CMIP: variants seen among roughly 807,000 people sequenced by gnomAD.
The protein encoded by CMIP is C-Maf-inducing protein.
In CMIP, 13 loss-of-function variants were observed where a neutral mutation model predicts 97.3. That is an observed-to-expected ratio of 0.13 (90% CI 0.09 to 0.21). The LOEUF (loss-of-function observed/expected upper bound fraction) is 0.21, where lower values mean the gene tolerates loss of function less well. Among genes scored for constraint, CMIP ranks in the 10% least tolerant of loss-of-function variants. CMIP has a pLI of 1.00. For missense variants in CMIP, 847 were observed against 1,024.9 expected, an observed-to-expected ratio of 0.83 and a Z score of 2.37; for synonymous variants, 538 against 436.3, an observed-to-expected ratio of 1.23 and a Z score of -2.91.
intron 1 of CMIP, among the ~76,000 whole-genome samples, chr16:81,605,065 G>A (rs900711410): frequency 1.3e-5 from 2 of 152,198 alleles, no homozygotes; most frequent in African/African-American, 4.8e-5. Flanking sequence ...TTGAATATGG[G>A]TGAGGAAAAG....
At chr16:81,465,196 C>T (rs1330809392) in intron 1 of CMIP, among the ~76,000 whole-genome samples, 1 of 152,136 alleles carries the variant, frequency 6.6e-6, no homozygotes, top group East Asian at 1.9e-4. Context: ...CCTAGAATGC[C>T]GACAGCCAGA....
rs945033023 is a variant in CMIP at position 81,705,555 on chromosome 16, G to C, written c.2148G>C (p.Leu716=). The C allele has an allele frequency of 6.2e-7, 1 of 1,609,336 alleles. No individual in the cohort carries two copies. Among genetic ancestry groups the C allele is most frequent in the African/African-American group, 1.3e-5 (1 of 74,892 alleles). ...LSEHLTMLQV[L]NLCETPVTDA... is the part of the protein sequence containing the mutation. ...AACACCTCACCATGCTCCAGGTGCT[G>C]AACCTGTGCGAGACCCCGGTCACAG... Residue 716 remains leucine, a synonymous_variant, in exon 19 of 21, where the codon CTG becomes CTC. Coordinates refer to ENST00000537098, the MANE Select transcript of CMIP (RefSeq NM_198390.3).
intron 1 of CMIP, among the ~76,000 whole-genome samples, chr16:81,594,655 C>T (rs941518707): frequency 6.6e-6 from 1 of 152,048 alleles, no homozygotes; most frequent in Admixed American, 6.6e-5. Context: ...GCTCTGTTCC[C>T]CAGGCTGGAG....
At chr16:81,575,839 A>G (rs2091179695) in intron 1 of CMIP, among the ~76,000 whole-genome samples, 2 of 152,192 alleles carry the variant, frequency 1.3e-5, no homozygotes, top group Non-Finnish European at 1.5e-5. Context: ...AGGGCAGAGA[A>G]CTTTTTCTGA....
chr16:81,694,030 G>A (rs1906413570), intron 13 of CMIP, among the ~76,000 whole-genome samples: 1 of 152,208 alleles, frequency 6.6e-6, no homozygotes, highest in Admixed American at 6.5e-5. Flanking sequence ...TGTAGCCCTG[G>A]GCCCGCATCA....
At chr16:81,700,321 C>T (rs1907253426) in intron 15 of CMIP, among the ~76,000 whole-genome samples, 1 of 152,102 alleles carries the variant, frequency 6.6e-6, no homozygotes, top group South Asian at 2.1e-4. Flanking sequence ...CACACACACC[C>T]AGCCCCACAG....
rs1904472540 is a variant in CMIP at position 81,678,265 on chromosome 16, C to T, written c.1035-10C>T. The T allele has an allele frequency of 1.3e-6, 2 of 1,574,834 alleles. No homozygotes were observed. Among genetic ancestry groups the T allele is most frequent in the Middle Eastern group, 1.7e-4 (1 of 5,946 alleles). The stretch of plus-strand genomic sequence containing the variant: ...TGTACTCATGTGCCCTCTCCCGCCT[C>T]TTCCCCCAGCCGCGACAATTCCCCA... On this transcript the variant is annotated splice_polypyrimidine_tract_variant and intron_variant, in intron 9 of 20. Coordinates refer to ENST00000537098, the MANE Select transcript of CMIP (RefSeq NM_198390.3).
At chr16:81,658,640 A>G (rs2092511600) in intron 5 of CMIP, among the ~76,000 whole-genome samples, 1 of 152,280 alleles carries the variant, frequency 6.6e-6, no homozygotes, top group Admixed American at 6.5e-5. Flanking sequence ...AAAATGTGCA[A>G]GAGCACAAAG....
At chr16:81,595,365 G>T (rs984638963) in intron 1 of CMIP, among the ~76,000 whole-genome samples, 2 of 150,090 alleles carry the variant, frequency 1.3e-5, no homozygotes, top group East Asian at 3.9e-4. Flanking sequence ...TTTGCTTTGT[G>T]TAATACTTTC....
At chr16:81,574,335 G>A (rs2091151461) in intron 1 of CMIP, among the ~76,000 whole-genome samples, 1 of 152,222 alleles carries the variant, frequency 6.6e-6, no homozygotes, top group Non-Finnish European at 1.5e-5. Context: ...CTGTAGCCTG[G>A]CACCAACAAC....
intron 1 of CMIP, among the ~76,000 whole-genome samples, chr16:81,577,984 C>T (rs2091228310): frequency 6.7e-6 from 1 of 149,524 alleles, no homozygotes; most frequent in Non-Finnish European, 1.5e-5. Context: ...ATCACTATCA[C>T]CATCACCATC....
At chr16:81,661,071 G>C (rs1160890559) in intron 6 of CMIP, 125 bp downstream of exon 6, 6 of 1,145,520 alleles carry the variant, frequency 5.2e-6, no homozygotes. Flanking sequence ...CACGGTCCCA[G>C]ACACAGGCGG....
chr16:81,521,508 T>C (rs1315253729), intron 1 of CMIP, among the ~76,000 whole-genome samples: 2 of 152,010 alleles, frequency 1.3e-5, no homozygotes, highest in African/African-American at 2.4e-5. Context: ...GTTGCAACAA[T>C]AGCATTTCTG....
At chr16:81,688,297 A>G (rs1905647862) in intron 10 of CMIP, among the ~76,000 whole-genome samples, 1 of 152,208 alleles carries the variant, frequency 6.6e-6, no homozygotes, top group Non-Finnish European at 1.5e-5. Context: ...AGTCAGGTGA[A>G]CAGCACGGTG....
Position 81,564,599 on chromosome 16 carries a change from G to A in CMIP, c.301-42968G>A, listed in dbSNP as rs529937195. Among the ~76,000 whole-genome samples the A allele has an allele frequency of 2.4e-4, 37 of 152,334 alleles. 1 individual carries two copies. The South Asian group carries it at 7.2e-3, about 30-fold the overall frequency. ...CAGGAGTTCTCAAGCTCGAGGCTGCGCCGCAGTGCCAGGGAGCCTGTTCCA... is the reference window on the plus strand; with the variant it reads ...CAGGAGTTCTCAAGCTCGAGGCTGCACCGCAGTGCCAGGGAGCCTGTTCCA... On this transcript the variant is annotated intron_variant, in intron 1 of 20. Transcript: ENST00000537098.
chr16:81,546,894 A>G (rs981194923), intron 1 of CMIP, among the ~76,000 whole-genome samples: 1 of 152,230 alleles, frequency 6.6e-6, no homozygotes, highest in African/African-American at 2.4e-5. Flanking sequence ...CTCCGTAGCC[A>G]CGCGTGGCGA....
At chr16:81,463,612 A>G (rs1221640335) in intron 1 of CMIP, among the ~76,000 whole-genome samples, 2 of 152,194 alleles carry the variant, frequency 1.3e-5, no homozygotes, top group Non-Finnish European at 2.9e-5. Context: ...CCAGGGCTGG[A>G]CCGGGTGAAA....
rs116250521 is a variant in CMIP, at chr16:81,558,803, A to G, written c.301-48764A>G. 7.2e-3 allele frequency among the ~76,000 whole-genome samples: 1,089 copies of G among 152,258 alleles called. 10 individuals carry two copies. Among genetic ancestry groups the G allele is most frequent in the African/African-American group, 0.025 (1,033 of 41,554 alleles). ...CCCCAATGCCAGGAGCTTGGCATAA[A>G]ATGTGTTGAGAGTGGCTGCGCACAG... is the stretch of plus-strand genomic sequence containing the variant. On this transcript the variant is annotated intron_variant, in intron 1 of 20. Transcript: ENST00000537098.
At chr16:81,660,286 T>C (rs970515708) in intron 5 of CMIP, among the ~76,000 whole-genome samples, 15 of 151,992 alleles carry the variant, frequency 9.9e-5, no homozygotes, top group Non-Finnish European at 2.9e-5. Context: ...TTTCTTTTTT[T>C]TTTTTAAGGC....
Sources: allele counts gnomAD v4.1 joint callset (sites outside exome capture counted in the v4.1 genomes callset), GRCh38; gene constraint gnomAD v4.1.1; transcripts MANE v1.5; gene names NCBI Gene and HGNC (gene_info 2026-07-23, HGNC 2026-07-21).